PLSCR1: variants seen among roughly 807,000 people sequenced by gnomAD.
The protein encoded by PLSCR1 is PL scramblase 1.
PLSCR1 carries 17 observed loss-of-function variants against 37.8 expected under a neutral mutation model. That is an observed-to-expected ratio of 0.45 (90% CI 0.31 to 0.68). PLSCR1 has a LOEUF of 0.68. Ranked by LOEUF, PLSCR1 falls within the 30% of genes least tolerant of loss-of-function variation. The pLI, the probability that PLSCR1 is intolerant of heterozygous loss-of-function variation, is 0.06. For missense variants in PLSCR1, 347 were observed against 380.9 expected (o/e 0.91, Z 0.74); for synonymous variants, 116 against 125.9 (o/e 0.92, Z 0.53).
chr3:146,543,602 T>C (rs2044365520), intron 1 of PLSCR1, among the ~76,000 whole-genome samples: 1 of 152,206 alleles, frequency 6.6e-6, no homozygotes, highest in Admixed American at 6.5e-5. Flanking sequence ...ATGCCAAGAC[T>C]TCCAGGAATA....
At chr3:146,532,835 T>C (rs555574400) in intron 3 of PLSCR1, among the ~76,000 whole-genome samples, 1 of 152,290 alleles carries the variant, frequency 6.6e-6, no homozygotes, top group African/African-American at 2.4e-5. Context: ...TTTCAGGCAT[T>C]GGTTGAAAAG....
At chr3:146,541,565 C>G (rs2044338796) in intron 1 of PLSCR1, among the ~76,000 whole-genome samples, 1 of 152,172 alleles carries the variant, frequency 6.6e-6, no homozygotes, top group Non-Finnish European at 1.5e-5. Flanking sequence ...ACCGATGTCT[C>G]TAATTCACTG....
intron 1 of PLSCR1, 44 bp from the exon 2 acceptor site, chr3:146,536,609 CAAGTCAAATA>C: frequency 8.5e-7 from 1 of 1,172,788 alleles, no homozygotes; most frequent in Non-Finnish European, 1.3e-6. Flanking sequence ...TACAAGGCCA[CAAGTCAAATA>C]TAACAGTTGA....
chr3:146,520,774 C>T (rs950385012), intron 7 of PLSCR1, among the ~76,000 whole-genome samples: 3 of 152,150 alleles, frequency 2.0e-5, no homozygotes, highest in African/African-American at 4.8e-5. Flanking sequence ...CAGCCCCACA[C>T]ATCTTTAGTA....
intron 3 of PLSCR1, among the ~76,000 whole-genome samples, chr3:146,530,583 G>A (rs1244891954): frequency 6.6e-6 from 1 of 152,172 alleles, no homozygotes; most frequent in South Asian, 2.1e-4. Context: ...TTATATCAAG[G>A]TCTAAAAGAT....
chr3:146,516,077 C>T lies in PLSCR1; in HGVS notation c.925G>A (p.Gly309Ser). 6.2e-7 allele frequency: 1 copy of T among 1,608,384 alleles called. No individual in the cohort carries two copies. The highest frequency in any genetic ancestry group is 1.1e-5 in the South Asian group (1 of 90,590). The change falls in exon 9 of 9, where the codon GGC becomes AGC. Residue 309 changes from glycine to serine, a missense_variant. Physicochemically the swap from Gly to Ser is moderately conservative, Grantham distance 56. Coordinates refer to ENST00000342435, the MANE Select transcript of PLSCR1 (RefSeq NM_021105.3). ...LIDFMFFEST[G>S]SQEQKSGVW is the part of the protein sequence containing the mutation. ...ACTCCTGATTTTTGTTCCTGGCTGC[C>T]AGTGCTTTCAAAAAACATGAAGTCC...
intron 3 of PLSCR1, 35 bp downstream of exon 3, chr3:146,533,435 A>G: frequency 8.3e-7 from 1 of 1,206,002 alleles, no homozygotes; most frequent in Non-Finnish European, 1.2e-6. Flanking sequence ...TCTCTCAATT[A>G]ATTTTACTTT....
At chr3:146,533,912 A>T (rs1211799831) in intron 2 of PLSCR1, among the ~76,000 whole-genome samples, 3 of 152,188 alleles carry the variant, frequency 2.0e-5, no homozygotes, top group Admixed American at 6.6e-5. Flanking sequence ...AATTAATGGG[A>T]TGTGAAGATG....
intron 2 of PLSCR1, among the ~76,000 whole-genome samples, chr3:146,534,239 C>T (rs1264322581): frequency 1.3e-5 from 2 of 152,168 alleles, no homozygotes. Context: ...TTACCTACCG[C>T]AGCCAGTCTC....
chr3:146,539,147 G>A (rs191323407), intron 1 of PLSCR1, among the ~76,000 whole-genome samples: 30 of 152,280 alleles, frequency 2.0e-4, no homozygotes, highest in East Asian at 1.3e-3. Flanking sequence ...TTGTTTTCCC[G>A]CAACTAGACA....
intron 3 of PLSCR1, among the ~76,000 whole-genome samples, chr3:146,529,998 T>C (rs1357188987): frequency 1.3e-5 from 2 of 152,236 alleles, no homozygotes; most frequent in African/African-American, 4.8e-5. Flanking sequence ...CTGGAAAATA[T>C]AATTTGAGAA....
At chr3:146,535,438 G>A (rs2044253658) in intron 2 of PLSCR1, among the ~76,000 whole-genome samples, 1 of 152,220 alleles carries the variant, frequency 6.6e-6, no homozygotes, top group Admixed American at 6.5e-5. Flanking sequence ...TTTGATTACT[G>A]CGTTTTTGAA....
At chr3:146,526,183 C>CAA (rs60229241) in intron 4 of PLSCR1, among the ~76,000 whole-genome samples, 3,699 of 42,676 alleles carry the variant, frequency 0.087, 419 homozygotes, top group African/African-American at 0.2. Context: ...GACTCCATCT[C>CAA]AAAAAAAAAA....
chr3:146,536,705 T>C, intron 1 of PLSCR1, 140 bp from the exon 2 acceptor site: 1 of 583,974 alleles, frequency 1.7e-6, no homozygotes, highest in Admixed American at 2.8e-5. Context: ...CCTTATCTGG[T>C]CATTTAAGCC....
At chr3:146,538,657 C>T (rs1255237056) in intron 1 of PLSCR1, among the ~76,000 whole-genome samples, 2 of 152,000 alleles carry the variant, frequency 1.3e-5, no homozygotes, top group Non-Finnish European at 2.9e-5. Flanking sequence ...TAAATAATGT[C>T]TAAGGGCAAA....
intron 1 of PLSCR1, among the ~76,000 whole-genome samples, chr3:146,544,173 C>T (rs953831760): frequency 3.9e-5 from 6 of 152,228 alleles, no homozygotes; most frequent in African/African-American, 1.4e-4. Flanking sequence ...GCAGGGCACC[C>T]CTTGTCATTC....
rs58848042 is a variant in PLSCR1 at position 146,535,425 on chromosome 3, T to C, written c.13+1115A>G. ...AGCAGAACAAAGAGCATGTTAATTA[T>C]GGTTTGATTACTGCGTTTTTGAAAT... On this transcript the variant is annotated intron_variant, in intron 2 of 8. Coordinates refer to ENST00000342435, the MANE Select transcript of PLSCR1 (RefSeq NM_021105.3). Among the ~76,000 whole-genome samples, 933 of 152,266 alleles carry C rather than the reference T, an allele frequency of 6.1e-3. 12 individuals are homozygous for C. Among genetic ancestry groups the C allele is most frequent in the African/African-American group, 0.021 (868 of 41,548 alleles).
intron 5 of PLSCR1, among the ~76,000 whole-genome samples, chr3:146,524,952 A>G (rs1209138625): frequency 1.3e-5 from 2 of 152,212 alleles, no homozygotes; most frequent in Non-Finnish European, 2.9e-5. Context: ...TCATAAATCT[A>G]TCCAGGGTCT....
chr3:146,536,326 TTCG>T (rs1280236987), intron 2 of PLSCR1, among the ~76,000 whole-genome samples: 1 of 152,190 alleles, frequency 6.6e-6, no homozygotes, highest in Non-Finnish European at 1.5e-5. Flanking sequence ...CCAAAAGGCT[TTCG>T]TATTTTTAAT....
Sources: gnomAD v4.1 joint callset for allele counts (sites outside exome capture counted in the v4.1 genomes callset) on GRCh38, gnomAD v4.1.1 for gene constraint, MANE v1.5 for transcripts, NCBI Gene and HGNC (gene_info 2026-07-23, HGNC 2026-07-21) for gene names.